C4orf54: variants seen among roughly 807,000 people sequenced by gnomAD.
C4orf54 encodes uncharacterized protein C4orf54.
C4orf54 carries 67 observed loss-of-function variants against 80.1 expected under a neutral mutation model. The observed-to-expected ratio is 0.84, with a 90% CI of 0.69 to 1.03. The LOEUF (loss-of-function observed/expected upper bound fraction) is 1.03. Among genes scored for constraint, C4orf54 ranks in the 50% least tolerant of loss-of-function variants. C4orf54 has a pLI of 0.00. For synonymous variants in C4orf54, 1,000 were observed against 917.0 expected, an observed-to-expected ratio of 1.09 and a Z score of -1.64; for missense variants, 2,434 against 2,253.5, an observed-to-expected ratio of 1.08 and a Z score of -1.62.
rs144236962 is a variant in C4orf54 at position 99,651,220 on chromosome 4, G to T, written c.3429C>A (p.Gly1143=). 353 of 1,536,134 alleles carry T rather than the reference G, an allele frequency of 2.3e-4. No individual in the cohort carries two copies. In the African/African-American group the frequency reaches 3.9e-3, roughly 17 times the overall value. The part of the protein sequence containing the change: ...PKPRQLSAAA[G]GSGSLSPMVI... Reference sequence around the variant, plus strand: ...CCATGGGGGACAGGGATCCAGATCCGCCAGCTGCTGCAGACAGCTGCCTGG... The same window carrying T: ...CCATGGGGGACAGGGATCCAGATCCTCCAGCTGCTGCAGACAGCTGCCTGG... The change falls in exon 2 of 3, where the codon GGC becomes GGA. Residue 1143 remains glycine, a synonymous_variant. Coordinates refer to ENST00000511828, the MANE Select transcript of C4orf54 (RefSeq NM_001354435.2).
Position 99,653,950 on chromosome 4 carries a change from T to C in C4orf54, c.699A>G (p.Gln233=), listed in dbSNP as rs1726917805. Residue 233 remains glutamine, a synonymous_variant, in exon 2 of 3, where the codon CAA becomes CAG. Transcript: ENST00000511828. ...TTGGAGTCTTGCTGCTGGGTTCATC[T>C]TGGGCTTTCTCCTTTGGGCTCCTAG... ...RASRSPKEKA[Q]DEPSSKTPSP... 3.3e-6 allele frequency: 5 copies of C among 1,536,150 alleles called. No homozygotes were observed. The Admixed American group carries it at 7.8e-5, about 24-fold the overall frequency.
intron 2 of C4orf54, among the ~76,000 whole-genome samples, chr4:99,645,314 G>T (rs1726682428): frequency 6.7e-6 from 1 of 149,038 alleles, no homozygotes; most frequent in Non-Finnish European, 1.5e-5. Flanking sequence ...TATACAGGGG[G>T]TAGAAATAAC....
In C4orf54 at chr4:99,637,934, A is replaced by G. The variant is rs890662901; in HGVS notation, c.*3299T>C. On this transcript the variant is annotated 3_prime_UTR_variant, in exon 3 of 3. Coordinates refer to ENST00000511828, the MANE Select transcript of C4orf54 (RefSeq NM_001354435.2). The stretch of plus-strand genomic sequence containing the variant: ...ATTATAGTCAATCTACTTAGGAATC[A>G]ATACTGTCCTGTCCTGCAGTCCAAA... The G allele has an allele frequency of 6.6e-6, 1 of 152,166 alleles. No individual in the cohort carries two copies. The highest frequency in any genetic ancestry group is 2.4e-5 in the African/African-American group (1 of 41,444). 9.4% of individuals were successfully genotyped at this position (152,166 alleles called of 1,614,324 possible). A position where few individuals can be genotyped will look rare whatever the true frequency, so the allele number is the denominator to read the frequency against.
In C4orf54 at chr4:99,650,616, A is replaced by C; in HGVS notation, c.4033T>G (p.Ser1345Ala). 1 of 1,535,972 alleles carries C rather than the reference A, an allele frequency of 6.5e-7. No individual in the cohort carries two copies. Among genetic ancestry groups the C allele is most frequent in the Non-Finnish European group, 8.7e-7 (1 of 1,146,870 alleles). The change falls in exon 2 of 3, where the codon TCC becomes GCC. Residue 1345 changes from serine (S) to alanine (A), a missense_variant. Physicochemically the swap from Ser to Ala is moderately conservative, Grantham distance 99. Transcript: ENST00000511828. The part of the protein sequence containing the change: ...APIERLQRRN[S>A]NPSAESVSAR... ...GACACACTCTCAGCGCTGGGGTTGGAGTTTCTCCGCTGCAGACGTTCTATG... is the reference window on the plus strand; with the variant it reads ...GACACACTCTCAGCGCTGGGGTTGGCGTTTCTCCGCTGCAGACGTTCTATG...
At chr4:99,656,641 G>A (rs890021833) in intron 1 of C4orf54, among the ~76,000 whole-genome samples, 6 of 152,212 alleles carry the variant, frequency 3.9e-5, no homozygotes, top group Non-Finnish European at 7.3e-5. Context: ...CATTTACTAT[G>A]TGCCAAGAAC....
intron 2 of C4orf54, 67 bp downstream of exon 2, chr4:99,649,164 C>T (rs1449523855): frequency 7.2e-7 from 1 of 1,380,556 alleles, no homozygotes. Flanking sequence ...TCTCTCACTT[C>T]AAACACAAAC....
rs1277070683 is a variant in C4orf54 at position 99,654,456 on chromosome 4, C to G, written c.193G>C (p.Ala65Pro). The part of the protein sequence containing the change: ...AAPQPQTTST[A>P]SSRSLPTSLR... The stretch of plus-strand genomic sequence containing the variant: ...GAGGTGGGAAGGCTCCTGGATGAGG[C>G]GGTGGAGGTGGTCTGTGGCTGGGGG... Residue 65 changes from alanine to proline, a missense_variant, in exon 2 of 3, where the codon GCC (alanine) becomes CCC (proline). By Grantham distance (27) the Ala-to-Pro change is conservative (BLOSUM62 -1). Transcript: ENST00000511828. 1 of 715,680 alleles carries G rather than the reference C, an allele frequency of 1.4e-6. No homozygotes were observed. The highest frequency in any genetic ancestry group is 2.7e-5 in the East Asian group (1 of 37,332). The allele number at this position is 715,680 out of a possible 1,614,324, so 44.3% of individuals were successfully genotyped here.
At chr4:99,646,528 C>A (rs1262876387) in intron 2 of C4orf54, among the ~76,000 whole-genome samples, 2 of 152,096 alleles carry the variant, frequency 1.3e-5, no homozygotes, top group African/African-American at 4.8e-5. Context: ...TTGCTCCATG[C>A]CTCACACCAA....
At position 99,649,269 on chromosome 4, in the gene C4orf54, A is replaced by T. The variant is rs1560636639; in HGVS notation, c.5380T>A (p.Ter1794ArgextTer1). The T allele has an allele frequency of 1.3e-6, 2 of 1,506,088 alleles. No homozygotes were observed. The highest frequency in any genetic ancestry group is 1.8e-6 in the Non-Finnish European group (2 of 1,128,952). The allele number at this position is 1,506,088 out of a possible 1,614,324, so 93.3% of individuals were successfully genotyped here. A position where few individuals can be genotyped will look rare whatever the true frequency, so the allele number is the denominator to read the frequency against. ...TTCCGCTTCCTGGTGGCTGCTCATC[A>T]TCTGTGTTCTACCACAAAGCTCATG... ...TTMSFVVEHR[*>R] The change falls in exon 2 of 3, where the codon TGA becomes AGA. Residue 1794 changes from the stop codon to arginine, a stop_lost. Coordinates refer to ENST00000511828, the MANE Select transcript of C4orf54 (RefSeq NM_001354435.2).
chr4:99,638,615 C>T lies in C4orf54; in HGVS notation c.*2618G>A, dbSNP rs1726551003. On this transcript the variant is annotated 3_prime_UTR_variant, in exon 3 of 3. Transcript: ENST00000511828. ...TTATTAGGGTAATAGTTTTATGGGT[C>T]AGAAGGCTTCATAGGCTCTTGTTTG... 6.6e-6 allele frequency: 1 copy of T among 152,186 alleles called. No individual in the cohort carries two copies. The highest frequency in any genetic ancestry group is 1.5e-5 in the Non-Finnish European group (1 of 67,974). The allele number at this position is 152,186 out of a possible 1,614,324, so 9.4% of individuals were successfully genotyped here.
rs1184511498 is a variant in C4orf54, at chr4:99,649,480, G to A, written c.5169C>T (p.Thr1723=). 27 of 1,536,050 alleles carry A rather than the reference G, an allele frequency of 1.8e-5. No homozygotes were observed. Among genetic ancestry groups the A allele is most frequent in the Admixed American group, 5.9e-5 (3 of 50,986 alleles). ...CAGAAGCCATGAAGTATGGGGCCTC[G>A]GTGAACGTTGCAGCTGCCTCTTTGC... is the stretch of plus-strand genomic sequence containing the variant. ...PSSKEAAATF[T]EAPYFMASGQ... Residue 1723 remains threonine (T), a synonymous_variant, in exon 2 of 3, where the codon ACC becomes ACT. Coordinates refer to ENST00000511828, the MANE Select transcript of C4orf54 (RefSeq NM_001354435.2).
chr4:99,640,947 T>C lies in C4orf54; in HGVS notation c.*286A>G, dbSNP rs996233914. ...AGGTGAATAGAAAGCTTATATCCTG[T>C]GTTGAAGTATAAAAAGAAATAGTCA... On this transcript the variant is annotated 3_prime_UTR_variant, in exon 3 of 3. Coordinates refer to ENST00000511828, the MANE Select transcript of C4orf54 (RefSeq NM_001354435.2). 6.6e-6 allele frequency: 1 copy of C among 152,090 alleles called. No homozygotes were observed. Among genetic ancestry groups the C allele is most frequent in the Non-Finnish European group, 1.5e-5 (1 of 67,994 alleles). 9.4% of individuals were successfully genotyped at this position (152,090 alleles called of 1,614,324 possible). A position where few individuals can be genotyped will look rare whatever the true frequency, so the allele number is the denominator to read the frequency against.
chr4:99,654,333 G>T lies in C4orf54; in HGVS notation c.316C>A (p.Arg106Ser), dbSNP rs1413883490. The T allele has an allele frequency of 1.4e-6, 2 of 1,394,702 alleles. No homozygotes were observed. The highest frequency in any genetic ancestry group is 2.0e-6 in the Non-Finnish European group (2 of 1,018,446). The allele number at this position is 1,394,702 out of a possible 1,614,324, so 86.4% of individuals were successfully genotyped here. Residue 106 changes from arginine (R) to serine (S), a missense_variant, in exon 2 of 3, where the codon CGT becomes AGT. Physicochemically the swap from Arg to Ser is moderately radical, Grantham distance 110. Coordinates refer to ENST00000511828, the MANE Select transcript of C4orf54 (RefSeq NM_001354435.2). ...AGAGTTGCCCGAAGCAGGGTCCCAC[G>T]TATCTGGACTGGCCCCAAGGCTGTA... ...VPTALGPVQIRGTLLRATLQP... is the reference protein window; with the variant it reads ...VPTALGPVQISGTLLRATLQP...
At position 99,652,157 on chromosome 4, in the gene C4orf54, C is replaced by G; in HGVS notation, c.2492G>C (p.Arg831Thr). ...MQREHEFKME[R>T]GEVMDTSHHL... ...GTGGGATGTATCCATGACTTCTCCC[C>G]TCTCCATTTTGAACTCGTGTTCCCG... The change falls in exon 2 of 3, where the codon AGG (arginine) becomes ACG (threonine). Residue 831 changes from arginine to threonine, a missense_variant. Physicochemically the swap from Arg to Thr is moderately conservative, Grantham distance 71. Coordinates refer to ENST00000511828, the MANE Select transcript of C4orf54 (RefSeq NM_001354435.2). The G allele has an allele frequency of 6.5e-7, 1 of 1,536,088 alleles. No homozygotes were observed. The highest frequency in any genetic ancestry group is 8.7e-7 in the Non-Finnish European group (1 of 1,146,882).
chr4:99,647,610 A>G (rs1007286126), intron 2 of C4orf54, among the ~76,000 whole-genome samples: 6 of 120,378 alleles, frequency 5.0e-5, no homozygotes, highest in African/African-American at 2.4e-4. Flanking sequence ...TCTAGATTGC[A>G]GCTAAAATGA....
chr4:99,647,180 A>C (rs953954434), intron 2 of C4orf54, among the ~76,000 whole-genome samples: 1 of 152,190 alleles, frequency 6.6e-6, no homozygotes, highest in Non-Finnish European at 1.5e-5. Context: ...CTCCAAGTCT[A>C]ATCTCTCTAG....
rs1331538919 is a variant in C4orf54 at position 99,652,162 on chromosome 4, C to G, written c.2487G>C (p.Met829Ile). ...KKMQREHEFK[M>I]ERGEVMDTSH... The stretch of plus-strand genomic sequence containing the variant: ...ATGTATCCATGACTTCTCCCCTCTC[C>G]ATTTTGAACTCGTGTTCCCGCTGCA... The change falls in exon 2 of 3, where the codon ATG becomes ATC. Residue 829 changes from methionine to isoleucine, a missense_variant. Physicochemically the swap from Met to Ile is conservative, Grantham distance 10. Transcript: ENST00000511828. The G allele has an allele frequency of 6.5e-7, 1 of 1,536,084 alleles. No individual in the cohort carries two copies. Among genetic ancestry groups the G allele is most frequent in the Non-Finnish European group, 8.7e-7 (1 of 1,146,872 alleles).
chr4:99,644,433 A>G (rs1267734691), intron 2 of C4orf54, among the ~76,000 whole-genome samples: 1 of 152,216 alleles, frequency 6.6e-6, no homozygotes, highest in Non-Finnish European at 1.5e-5. Flanking sequence ...AAAAACAAAC[A>G]AATACATTAA....
intron 1 of C4orf54, among the ~76,000 whole-genome samples, 136 bp from the exon 2 acceptor site, chr4:99,654,815 G>C (rs1186464621): frequency 1.3e-5 from 2 of 152,118 alleles, no homozygotes; most frequent in Non-Finnish European, 2.9e-5. Context: ...GGGTGGAGGA[G>C]GCATGTGGAT....
Sources: allele counts gnomAD v4.1 joint callset (sites outside exome capture counted in the v4.1 genomes callset), GRCh38; gene constraint gnomAD v4.1.1; transcripts MANE v1.5; gene names NCBI Gene and HGNC (gene_info 2026-07-23, HGNC 2026-07-21).